SESN1: variants seen among roughly 807,000 people sequenced by gnomAD.
SESN1 encodes sestrin-1.
Under a neutral mutation model 59.3 loss-of-function variants are expected in SESN1, and 30 were observed. The observed-to-expected ratio is 0.51, with a 90% CI of 0.38 to 0.69. The LOEUF is 0.69. Among genes scored for constraint, SESN1 ranks in the 30% least tolerant of loss-of-function variants. The pLI is 0.00. For synonymous variants in SESN1, 197 were observed against 219.9 expected, an observed-to-expected ratio of 0.90 and a Z score of 0.92; for missense variants, 566 against 673.0, an observed-to-expected ratio of 0.84 and a Z score of 1.76.
intron 1 of SESN1, among the ~76,000 whole-genome samples, chr6:109,076,250 T>C (rs1034555570): frequency 6.6e-6 from 1 of 152,218 alleles, no homozygotes; most frequent in African/African-American, 2.4e-5. Flanking sequence ...TTTTAACAAG[T>C]ACTGCTGTGC....
At chr6:109,045,199 T>G (rs1780408285) in intron 1 of SESN1, among the ~76,000 whole-genome samples, 1 of 152,128 alleles carries the variant, frequency 6.6e-6, no homozygotes, top group African/African-American at 2.4e-5. Context: ...TCTTGTCAAG[T>G]TCTGAATATT....
chr6:108,988,808 C>A, intron 8 of SESN1, 121 bp from the exon 9 acceptor site: 1 of 700,948 alleles, frequency 1.4e-6, no homozygotes, highest in Non-Finnish European at 2.2e-6. Flanking sequence ...GGCAGCTGTC[C>A]CCAAAAATGA....
chr6:109,055,210 T>G (rs1178048579), intron 1 of SESN1, among the ~76,000 whole-genome samples: 1 of 152,218 alleles, frequency 6.6e-6, no homozygotes, highest in Non-Finnish European at 1.5e-5. Flanking sequence ...ACCCTGGTCC[T>G]TATCTCCGTT....
At chr6:109,058,692 G>A (rs1309633677) in intron 1 of SESN1, among the ~76,000 whole-genome samples, 1 of 152,102 alleles carries the variant, frequency 6.6e-6, no homozygotes, top group African/African-American at 2.4e-5. Context: ...TTCTTTCCAA[G>A]TGTACAATTG....
intron 1 of SESN1, among the ~76,000 whole-genome samples, chr6:109,012,324 A>G (rs1232143548): frequency 6.6e-6 from 1 of 152,038 alleles, no homozygotes; most frequent in Non-Finnish European, 1.5e-5. Context: ...CTCAGGAAGA[A>G]TCCTGACATT....
At chr6:109,043,481 T>TA (rs1190072261) in intron 1 of SESN1, among the ~76,000 whole-genome samples, 3 of 152,098 alleles carry the variant, frequency 2.0e-5, no homozygotes, top group Admixed American at 6.5e-5. Flanking sequence ...AAGGAATTTA[T>TA]AAAAAACAAC....
At chr6:109,073,333 T>C (rs1398510280) in intron 1 of SESN1, among the ~76,000 whole-genome samples, 1 of 152,194 alleles carries the variant, frequency 6.6e-6, no homozygotes, top group Non-Finnish European at 1.5e-5. Flanking sequence ...TCAAAAAATA[T>C]TTGTGAAATG....
chr6:109,042,137 T>TA (rs1238782077), intron 1 of SESN1, among the ~76,000 whole-genome samples: 1 of 151,996 alleles, frequency 6.6e-6, no homozygotes, highest in African/African-American at 2.4e-5. Context: ...CGGGGAGATT[T>TA]AAAAAATATA....
chr6:109,039,109 G>A (rs548016955), intron 1 of SESN1, among the ~76,000 whole-genome samples: 185 of 143,766 alleles, frequency 1.3e-3, no homozygotes, highest in Non-Finnish European at 2.1e-3. Context: ...GGAGGAGAAG[G>A]AGAAGGAAGG....
intron 1 of SESN1, among the ~76,000 whole-genome samples, chr6:109,054,697 A>T (rs1172361026): frequency 6.6e-6 from 1 of 152,120 alleles, no homozygotes; most frequent in Non-Finnish European, 1.5e-5. Flanking sequence ...TATTTACCAC[A>T]TCCATTTTTC....
At chr6:109,039,642 A>T (rs1780308034) in intron 1 of SESN1, among the ~76,000 whole-genome samples, 1 of 152,246 alleles carries the variant, frequency 6.6e-6, no homozygotes, top group Non-Finnish European at 1.5e-5. Flanking sequence ...AAACCAAAAT[A>T]TATAGATGAT....
At chr6:109,092,686 G>C (rs1441341641) in intron 1 of SESN1, among the ~76,000 whole-genome samples, 2 of 152,186 alleles carry the variant, frequency 1.3e-5, no homozygotes, top group African/African-American at 2.4e-5. Flanking sequence ...GGTTGTTACA[G>C]TCACTACAGT....
chr6:109,015,828 C>T (rs1779919493), intron 1 of SESN1, among the ~76,000 whole-genome samples: 1 of 152,108 alleles, frequency 6.6e-6, no homozygotes, highest in Non-Finnish European at 1.5e-5. Context: ...ACTGAATATA[C>T]TCTGTGTTGT....
intron 1 of SESN1, among the ~76,000 whole-genome samples, chr6:109,015,820 T>C (rs1779919222): frequency 6.6e-6 from 1 of 152,178 alleles, no homozygotes; most frequent in Non-Finnish European, 1.5e-5. Flanking sequence ...TTTCTCAGAC[T>C]GAATATACTC....
intron 1 of SESN1, among the ~76,000 whole-genome samples, chr6:109,040,977 A>G (rs555411053): frequency 1.3e-5 from 2 of 152,006 alleles, no homozygotes; most frequent in East Asian, 3.9e-4. Context: ...TTTTAAAATA[A>G]CATACCCTCA....
intron 1 of SESN1, among the ~76,000 whole-genome samples, chr6:109,009,942 A>C (rs543050734): frequency 5.3e-4 from 80 of 152,192 alleles, no homozygotes; most frequent in African/African-American, 1.6e-3. Flanking sequence ...AGGAGTAATG[A>C]AGTTCTCTAA....
chr6:109,066,966 C>T (rs1182939282), intron 1 of SESN1, among the ~76,000 whole-genome samples: 1 of 152,192 alleles, frequency 6.6e-6, no homozygotes, highest in African/African-American at 2.4e-5. Flanking sequence ...CTTATTATCT[C>T]CTTGGCCCTG....
intron 1 of SESN1, among the ~76,000 whole-genome samples, chr6:109,087,411 C>G (rs1583301655): frequency 6.6e-6 from 1 of 151,960 alleles, no homozygotes; most frequent in Non-Finnish European, 1.5e-5. Flanking sequence ...GGACAGAAAA[C>G]CTGAGAATAA....
intron 1 of SESN1, among the ~76,000 whole-genome samples, chr6:109,067,946 G>A (rs1780863297): frequency 6.6e-6 from 1 of 152,178 alleles, no homozygotes; most frequent in Non-Finnish European, 1.5e-5. Flanking sequence ...ACAAATTGGA[G>A]GACAGGGAGA....
Sources: allele counts gnomAD v4.1 joint callset (sites outside exome capture counted in the v4.1 genomes callset), GRCh38; gene constraint gnomAD v4.1.1; transcripts MANE v1.5; gene names NCBI Gene and HGNC (gene_info 2026-07-23, HGNC 2026-07-21).